The following DLGAP2 variants were observed in gnomAD, a reference collection of about 807,000 sequenced individuals.
DLGAP2 encodes the protein disks large-associated protein 2.
DLGAP2 carries 26 observed loss-of-function variants against 100.3 expected under a neutral mutation model. The observed-to-expected ratio is 0.26, with a 90% CI of 0.19 to 0.36. DLGAP2 has a LOEUF of 0.36. DLGAP2 is among the 10% of genes least tolerant of loss of function. The pLI, the probability that DLGAP2 is intolerant of heterozygous loss-of-function variation, is 1.00. For missense variants in DLGAP2, 1,858 were observed against 1,453.2 expected, an observed-to-expected ratio of 1.28 and a Z score of -4.53; for synonymous variants, 886 against 630.1, an observed-to-expected ratio of 1.41 and a Z score of -6.08.
intron 2 of DLGAP2, among the ~76,000 whole-genome samples, chr8:999,334 TTC>T (rs1417627659): frequency 1.3e-5 from 2 of 152,012 alleles, no homozygotes; most frequent in East Asian, 3.9e-4. Flanking sequence ...CTGTTACCTC[TTC>T]TCTCACTTTT....
chr8:1,335,519 C>T (rs528140496), intron 3 of DLGAP2, among the ~76,000 whole-genome samples: 15 of 152,208 alleles, frequency 9.9e-5, no homozygotes, highest in Non-Finnish European at 1.6e-4. Flanking sequence ...CATGATGGCC[C>T]AGAAAGACGT....
At chr8:1,695,387 G>A (rs563900651) in intron 13 of DLGAP2, among the ~76,000 whole-genome samples, 10 of 144,626 alleles carry the variant, frequency 6.9e-5, no homozygotes, top group African/African-American at 1.1e-4. Context: ...AGAAAGAGGG[G>A]GCACAGCCTT....
intron 6 of DLGAP2, among the ~76,000 whole-genome samples, chr8:1,587,168 G>A (rs1796146127): frequency 6.6e-6 from 1 of 152,206 alleles, no homozygotes; most frequent in Non-Finnish European, 1.5e-5. Flanking sequence ...AGGCAGCAAA[G>A]CCTTATCCCA....
At chr8:1,176,853 C>G (rs976060402) in intron 2 of DLGAP2, among the ~76,000 whole-genome samples, 3 of 152,120 alleles carry the variant, frequency 2.0e-5, no homozygotes, top group Non-Finnish European at 2.9e-5. Flanking sequence ...TCCACCCTCT[C>G]ATGGAGTAGC....
intron 2 of DLGAP2, among the ~76,000 whole-genome samples, chr8:1,213,881 CCCA>C (rs1798158436): frequency 6.6e-6 from 1 of 152,188 alleles, no homozygotes; most frequent in South Asian, 2.1e-4. Context: ...CAGACTCCGC[CCCA>C]TCACTCGGGT....
Position 1,633,025 on chromosome 8 carries a change from T to A in DLGAP2, c.1789T>A (p.Ser597Thr). 2 of 1,613,876 alleles carry A rather than the reference T, an allele frequency of 1.2e-6. No individual in the cohort carries two copies. The highest frequency in any genetic ancestry group is 1.7e-6 in the Non-Finnish European group (2 of 1,179,884). ...IPMMTPSDITSTIRSTAAVSY... is the reference protein window; with the variant it reads ...IPMMTPSDITTTIRSTAAVSY... Reference sequence around the variant, plus strand: ...CATGATGACACCCTCTGACATCACCTCCACCATCAGGTCAACAGCAGGTAA... The same window carrying A: ...CATGATGACACCCTCTGACATCACCACCACCATCAGGTCAACAGCAGGTAA... Residue 597 changes from serine to threonine, a missense_variant, in exon 8 of 15, where the codon TCC becomes ACC. Coordinates refer to ENST00000637795, the MANE Select transcript of DLGAP2 (RefSeq NM_001346810.2).
intron 1 of DLGAP2, among the ~76,000 whole-genome samples, chr8:897,451 A>G (rs1057204901): frequency 1.3e-5 from 2 of 152,338 alleles, no homozygotes; most frequent in Middle Eastern, 3.4e-3. Flanking sequence ...TCTTAAGGAC[A>G]TTTCAGCGAT....
intron 1 of DLGAP2, among the ~76,000 whole-genome samples, chr8:900,935 C>A (rs1798239438): frequency 6.6e-6 from 1 of 152,154 alleles, no homozygotes; most frequent in Non-Finnish European, 1.5e-5. Context: ...GTATTTTGAA[C>A]TTCCAAAAGT....
At chr8:953,875 T>G (rs1294075677) in intron 2 of DLGAP2, among the ~76,000 whole-genome samples, 3 of 152,218 alleles carry the variant, frequency 2.0e-5, no homozygotes, top group Non-Finnish European at 4.4e-5. Flanking sequence ...TGAGATTTAA[T>G]AAAACTGATC....
chr8:1,227,666 C>T (rs1798450403), intron 2 of DLGAP2, among the ~76,000 whole-genome samples: 2 of 152,042 alleles, frequency 1.3e-5, no homozygotes, highest in Admixed American at 6.6e-5. Flanking sequence ...TGAAATAAGG[C>T]AGACACAGGA....
intron 1 of DLGAP2, among the ~76,000 whole-genome samples, chr8:822,868 G>A (rs1216797955): frequency 6.6e-6 from 1 of 152,170 alleles, no homozygotes; most frequent in Non-Finnish European, 1.5e-5. Context: ...CCCACCTCCT[G>A]CAGTCCCCAG....
chr8:1,040,508 G>A (rs1198166803), intron 2 of DLGAP2, among the ~76,000 whole-genome samples: 11 of 146,016 alleles, frequency 7.5e-5, no homozygotes, highest in Admixed American at 2.7e-4. Flanking sequence ...CTCGGTGTGC[G>A]TGGTTGGCTC....
intron 2 of DLGAP2, among the ~76,000 whole-genome samples, chr8:1,001,915 C>T (rs953035481): frequency 6.6e-6 from 1 of 152,188 alleles, no homozygotes; most frequent in Admixed American, 6.5e-5. Flanking sequence ...AAAGTGATCC[C>T]TGTTAAAGCG....
At chr8:875,272 C>A (rs924218849) in intron 1 of DLGAP2, among the ~76,000 whole-genome samples, 1 of 152,076 alleles carries the variant, frequency 6.6e-6, no homozygotes, top group African/African-American at 2.4e-5. Context: ...GTTGGATTTA[C>A]ATCTACTGTT....
At chr8:960,743 CTATTGTAAGTTGAAAG>C (rs954481518) in intron 2 of DLGAP2, among the ~76,000 whole-genome samples, 9 of 152,128 alleles carry the variant, frequency 5.9e-5, no homozygotes, top group African/African-American at 2.2e-4. Context: ...CCCGATAAAC[CTATTGTAAGTTGAAAG>C]TATTGTAAGT....
At chr8:1,683,718 A>G (rs1418244105) in intron 12 of DLGAP2, among the ~76,000 whole-genome samples, 3 of 148,304 alleles carry the variant, frequency 2.0e-5, no homozygotes, top group South Asian at 2.2e-4. Context: ...CAGAACATCT[A>G]GACTCCCAGA....
intron 3 of DLGAP2, among the ~76,000 whole-genome samples, chr8:1,478,534 G>T (rs565256115): frequency 6.6e-6 from 1 of 152,092 alleles, no homozygotes; most frequent in African/African-American, 2.4e-5. Flanking sequence ...TCTCTCCATC[G>T]ACACCATAGA....
intron 6 of DLGAP2, among the ~76,000 whole-genome samples, chr8:1,579,662 A>G (rs558948881): frequency 1.2e-4 from 18 of 152,346 alleles, no homozygotes; most frequent in Admixed American, 9.8e-4. Flanking sequence ...CTACCTTATC[A>G]ATAACTAAAA....
intron 6 of DLGAP2, among the ~76,000 whole-genome samples, chr8:1,594,999 T>G (rs1441066116): frequency 6.6e-6 from 1 of 152,060 alleles, no homozygotes; most frequent in Non-Finnish European, 1.5e-5. Flanking sequence ...CTTGAATCCA[T>G]ACACACTGTC....
Sources: allele counts gnomAD v4.1 joint callset (sites outside exome capture counted in the v4.1 genomes callset), GRCh38; gene constraint gnomAD v4.1.1; transcripts MANE v1.5; gene names NCBI Gene and HGNC (gene_info 2026-07-23, HGNC 2026-07-21).